CHIC2: variants seen among roughly 807,000 people sequenced by gnomAD.
CHIC2 encodes the protein cysteine rich hydrophobic domain 2.
In CHIC2, 14 loss-of-function variants were observed where a neutral mutation model predicts 25.9. The observed-to-expected ratio is 0.54, with a 90% confidence interval of 0.36 to 0.85. CHIC2 has a LOEUF of 0.85. Ranked by LOEUF, CHIC2 falls within the 40% of genes least tolerant of loss-of-function variation. The pLI, the probability that CHIC2 is intolerant of heterozygous loss-of-function variation, is 0.01. For missense variants in CHIC2, 146 were observed against 202.0 expected (o/e 0.72, Z 1.68); for synonymous variants, 70 against 72.0 (o/e 0.97, Z 0.14).
intron 3 of CHIC2, among the ~76,000 whole-genome samples, chr4:54,032,314 G>A (rs1030488853): frequency 1.7e-5 from 2 of 114,744 alleles, no homozygotes; most frequent in African/African-American, 3.4e-5. Context: ...CTCTGATGCC[G>A]AGCCGAAGCT....
the CHIC2 span, among the ~76,000 whole-genome samples, chr4:54,073,157 G>C: frequency 6.6e-6 from 1 of 152,180 alleles, no homozygotes; most frequent in Non-Finnish European, 1.5e-5. Context: ...TCCTGGAAGG[G>C]AGTTTCTAGT....
At chr4:54,030,458 G>A (rs1716189634) in intron 3 of CHIC2, among the ~76,000 whole-genome samples, 1 of 150,392 alleles carries the variant, frequency 6.6e-6, no homozygotes, top group Admixed American at 6.6e-5. Context: ...AGGAGGTCCA[G>A]GCTGCAGTGA....
intron 1 of CHIC2, among the ~76,000 whole-genome samples, chr4:54,055,598 A>G (rs1400816532): frequency 6.6e-6 from 1 of 152,168 alleles, no homozygotes; most frequent in African/African-American, 2.4e-5. Context: ...TTATGTTCCT[A>G]CAGATATGAC....
chr4:54,087,585 T>C, the CHIC2 span: 41 of 895,514 alleles, frequency 4.6e-5, 1 homozygote, highest in South Asian at 1.2e-3. Flanking sequence ...GTGTCCCAGG[T>C]TTAAGGGGCA....
At chr4:54,060,957 T>C (rs556783222) in intron 1 of CHIC2, 1 of 152,216 alleles carries the variant, frequency 6.6e-6, no homozygotes. Context: ...CAATACCACT[T>C]TCCTCAAAAT....
chr4:54,064,833 C>G (rs922297129), upstream of CHIC2: 13 of 206,286 alleles, frequency 6.3e-5, no homozygotes, highest in East Asian at 1.7e-3. The surrounding 1 kb of genome is among the most constrained non-coding windows in gnomAD (Gnocchi z 4.2). Context: ...GGCGGGCCCC[C>G]CTCCGCCGAC....
chr4:54,013,988 T>C, intron 4 of CHIC2, 75 bp downstream of exon 4: 1 of 1,598,486 alleles, frequency 6.3e-7, no homozygotes, highest in Non-Finnish European at 8.6e-7. Flanking sequence ...ATATTTTTAG[T>C]TCAACAAAAG....
intron 3 of CHIC2, among the ~76,000 whole-genome samples, chr4:54,026,496 G>A (rs1716062465): frequency 6.6e-6 from 1 of 152,012 alleles, no homozygotes; most frequent in South Asian, 2.1e-4. Flanking sequence ...CTCCAGCCTG[G>A]GTGACAGAAT....
At chr4:54,090,611 T>C in the CHIC2 span, among the ~76,000 whole-genome samples, 1 of 152,208 alleles carries the variant, frequency 6.6e-6, no homozygotes, top group African/African-American at 2.4e-5. Context: ...TCATAGTTTG[T>C]ATACTGAGTG....
chr4:54,083,508 A>G, the CHIC2 span, among the ~76,000 whole-genome samples: 1 of 152,196 alleles, frequency 6.6e-6, no homozygotes, highest in Non-Finnish European at 1.5e-5. Context: ...ATCTGTAACC[A>G]CTATATTTGT....
intron 3 of CHIC2, among the ~76,000 whole-genome samples, chr4:54,015,831 C>T (rs1715722884): frequency 6.6e-6 from 1 of 152,204 alleles, no homozygotes; most frequent in African/African-American, 2.4e-5. Flanking sequence ...CACAGCGAAC[C>T]TGAAAAGGGC....
intron 1 of CHIC2, among the ~76,000 whole-genome samples, chr4:54,050,033 A>G (rs1387093361): frequency 6.6e-6 from 1 of 152,188 alleles, no homozygotes; most frequent in Non-Finnish European, 1.5e-5. Flanking sequence ...GATAAAAGAC[A>G]TAATAAAAAC....
chr4:54,032,231 T>A (rs1287823819), intron 3 of CHIC2, among the ~76,000 whole-genome samples: 1 of 152,030 alleles, frequency 6.6e-6, no homozygotes, highest in African/African-American at 2.4e-5. Context: ...ATAAGACAAC[T>A]AACAAGGTTA....
intron 1 of CHIC2, among the ~76,000 whole-genome samples, chr4:54,058,549 T>TACACACACACACAC (rs35335887): frequency 7.9e-6 from 1 of 126,924 alleles, no homozygotes; most frequent in Non-Finnish European, 1.7e-5. Flanking sequence ...CATACACACA[T>TACACACACACACAC]ACACACACAT....
chr4:54,035,292 G>T (rs1172528483), intron 3 of CHIC2, among the ~76,000 whole-genome samples: 1 of 152,166 alleles, frequency 6.6e-6, no homozygotes, highest in African/African-American at 2.4e-5. Flanking sequence ...TGATTTTCTA[G>T]AAGAGTTTGT....
At chr4:54,089,692 A>T in the CHIC2 span, among the ~76,000 whole-genome samples, 2 of 152,208 alleles carry the variant, frequency 1.3e-5, no homozygotes, top group Non-Finnish European at 2.9e-5. Context: ...GCTGCCTAAA[A>T]GAATATTCAG....
At chr4:54,083,903 C>T in the CHIC2 span, among the ~76,000 whole-genome samples, 1 of 152,168 alleles carries the variant, frequency 6.6e-6, no homozygotes, top group African/African-American at 2.4e-5. Flanking sequence ...ACTAAGCAGC[C>T]CTTCCTGCTT....
At chr4:54,085,490 C>G in the CHIC2 span, among the ~76,000 whole-genome samples, 7 of 152,276 alleles carry the variant, frequency 4.6e-5, no homozygotes, top group South Asian at 1.5e-3. Flanking sequence ...CAGAGTAATA[C>G]AATGACTAAG....
chr4:54,041,897 A>G (rs1716589904), intron 3 of CHIC2, among the ~76,000 whole-genome samples: 1 of 152,066 alleles, frequency 6.6e-6, no homozygotes, highest in South Asian at 2.1e-4. Context: ...ATTAGGAGAA[A>G]TGCCTAATGT....
Sources: gnomAD v4.1 joint callset for allele counts (sites outside exome capture counted in the v4.1 genomes callset) on GRCh38, gnomAD v4.1.1 for gene constraint, Gnocchi (gnomAD v3.1) non-coding constraint, MANE v1.5 for transcripts, NCBI Gene and HGNC (gene_info 2026-07-23, HGNC 2026-07-21) for gene names.